The following CAST variants were observed in gnomAD, a reference collection of about 807,000 sequenced individuals.
CAST encodes the protein calpastatin.
CAST carries 76 observed loss-of-function variants against 119.6 expected under a neutral mutation model. That is an observed-to-expected ratio of 0.64 (90% confidence interval 0.53 to 0.77). The LOEUF is 0.77. Ranked by LOEUF, CAST falls within the 30% of genes least tolerant of loss-of-function variation. The pLI, the probability that CAST is intolerant of heterozygous loss-of-function variation, is 0.00. For missense variants in CAST, 953 were observed against 946.5 expected, an observed-to-expected ratio of 1.01 and a Z score of -0.09; for synonymous variants, 319 against 331.6, an observed-to-expected ratio of 0.96 and a Z score of 0.41.
At chr5:96,117,888 C>T in the CAST span, among the ~76,000 whole-genome samples, 1 of 152,136 alleles carries the variant, frequency 6.6e-6, no homozygotes, top group Non-Finnish European at 1.5e-5. Flanking sequence ...ATGCCTTTTG[C>T]CCGTTACCAC....
chr5:96,062,612 C>G, the CAST span, among the ~76,000 whole-genome samples: 1 of 152,132 alleles, frequency 6.6e-6, no homozygotes, highest in African/African-American at 2.4e-5. Context: ...CCCATCACTT[C>G]AGGTTCCTCA....
At chr5:96,033,692 A>G in the CAST span, among the ~76,000 whole-genome samples, 4 of 152,182 alleles carry the variant, frequency 2.6e-5, no homozygotes, top group African/African-American at 9.6e-5. Flanking sequence ...AAACTATGAA[A>G]CTACTAGAAG....
At chr5:96,654,575 TA>T (rs1748132996) in intron 1 of CAST, among the ~76,000 whole-genome samples, 1 of 152,214 alleles carries the variant, frequency 6.6e-6, no homozygotes, top group South Asian at 2.1e-4. Flanking sequence ...TTGAAGGAAG[TA>T]AAATATAACA....
chr5:96,199,317 A>G, the CAST span, among the ~76,000 whole-genome samples: 2 of 152,162 alleles, frequency 1.3e-5, no homozygotes, highest in African/African-American at 4.8e-5. Context: ...AAAAAGAACA[A>G]AGGAAAGGAC....
chr5:96,703,563 T>G (rs1754317776), intron 3 of CAST, among the ~76,000 whole-genome samples: 1 of 152,228 alleles, frequency 6.6e-6, no homozygotes, highest in Admixed American at 6.5e-5. Flanking sequence ...TTCTCTTCTG[T>G]ATGGTTAGGG....
the CAST span, among the ~76,000 whole-genome samples, chr5:96,372,119 C>T: frequency 6.6e-6 from 1 of 152,188 alleles, no homozygotes; most frequent in Non-Finnish European, 1.5e-5. Context: ...AATTGAAGCT[C>T]TCAGAGTTTA....
intron 1 of CAST, among the ~76,000 whole-genome samples, chr5:96,592,762 T>C (rs1213151232): frequency 8.4e-6 from 1 of 118,790 alleles, no homozygotes; most frequent in South Asian, 2.9e-4. Flanking sequence ...CTGTTTTATT[T>C]TCTTTTTTTT....
chr5:96,753,125 A>G (rs1416343805), intron 20 of CAST, among the ~76,000 whole-genome samples: 3 of 151,502 alleles, frequency 2.0e-5, no homozygotes, highest in Non-Finnish European at 4.4e-5. Context: ...TCTTGAGGAG[A>G]TGGGACTACA....
At chr5:96,220,863 G>A in the CAST span, among the ~76,000 whole-genome samples, 3 of 152,282 alleles carry the variant, frequency 2.0e-5, no homozygotes, top group African/African-American at 7.2e-5. Flanking sequence ...TCATTCTGCA[G>A]CAGAGAAACC....
At chr5:96,472,286 A>G in the CAST span, among the ~76,000 whole-genome samples, 1 of 152,186 alleles carries the variant, frequency 6.6e-6, no homozygotes, top group Non-Finnish European at 1.5e-5. Flanking sequence ...AAGGATGGCA[A>G]ATACATGGTA....
the CAST span, among the ~76,000 whole-genome samples, chr5:96,389,993 T>TTCACACTTAGCTGCTTTA: frequency 1.1e-4 from 16 of 152,298 alleles, no homozygotes; most frequent in Middle Eastern, 6.8e-3. Flanking sequence ...TGGGAAGGAT[T>TTCACACTTAGCTGCTTTA]TCACACTTAG....
chr5:96,518,385 G>A, the CAST span, among the ~76,000 whole-genome samples: 15 of 152,302 alleles, frequency 9.8e-5, no homozygotes, highest in East Asian at 2.9e-3. Context: ...GGGATATCTG[G>A]GAGGGTGAGA....
At chr5:96,010,967 A>C in the CAST span, among the ~76,000 whole-genome samples, 7 of 152,250 alleles carry the variant, frequency 4.6e-5, no homozygotes, top group Middle Eastern at 3.4e-3. Flanking sequence ...CTGAAACTTT[A>C]CTGAAGTCGT....
the CAST span, among the ~76,000 whole-genome samples, chr5:96,293,517 C>A: frequency 6.6e-5 from 10 of 151,982 alleles, no homozygotes; most frequent in African/African-American, 2.4e-4. Context: ...ACCTTGTGAT[C>A]TGCCTGCCTC....
At chr5:96,328,718 T>C in the CAST span, among the ~76,000 whole-genome samples, 1 of 152,112 alleles carries the variant, frequency 6.6e-6, no homozygotes, top group African/African-American at 2.4e-5. Flanking sequence ...CAAGCTCTTC[T>C]ATGCTCTAAC....
chr5:96,477,232 T>C, the CAST span, among the ~76,000 whole-genome samples: 1 of 151,584 alleles, frequency 6.6e-6, no homozygotes, highest in African/African-American at 2.4e-5. Context: ...TTATACCAGT[T>C]TAATGAGATT....
At chr5:96,085,868 T>C in the CAST span, among the ~76,000 whole-genome samples, 1 of 152,182 alleles carries the variant, frequency 6.6e-6, no homozygotes, top group African/African-American at 2.4e-5. Context: ...CAGAACTCAT[T>C]TACAGTATGT....
intron 1 of CAST, among the ~76,000 whole-genome samples, chr5:96,559,043 C>A (rs1746301260): frequency 6.6e-6 from 1 of 152,136 alleles, no homozygotes; most frequent in African/African-American, 2.4e-5. Context: ...GGATGCAAGG[C>A]TGGTTCAACA....
At chr5:96,151,369 T>C in the CAST span, among the ~76,000 whole-genome samples, 1 of 152,150 alleles carries the variant, frequency 6.6e-6, no homozygotes, top group Non-Finnish European at 1.5e-5. Flanking sequence ...GGTGAGGTAG[T>C]GTGTGCCTGT....
Sources: gnomAD v4.1 joint callset for allele counts (sites outside exome capture counted in the v4.1 genomes callset) on GRCh38, gnomAD v4.1.1 for gene constraint, MANE v1.5 for transcripts, NCBI Gene and HGNC (gene_info 2026-07-23, HGNC 2026-07-21) for gene names.